CYP2C19: variants seen among roughly 807,000 people sequenced by gnomAD.
The protein encoded by CYP2C19 is cytochrome P450 family 2 subfamily C member 19.
A neutral mutation model predicts 40.9 loss-of-function variants in CYP2C19; 59 were observed. The ratio of observed to expected loss-of-function variants is 1.44; its 90% CI spans 1.17 to 1.79. The LOEUF is 1.79. CYP2C19 is among the 40% of genes most tolerant of loss of function. The pLI, the probability that CYP2C19 is intolerant of heterozygous loss-of-function variation, is 0.00. For synonymous variants in CYP2C19, 253 were observed against 208.7 expected, an observed-to-expected ratio of 1.21 and a Z score of -1.83; for missense variants, 754 against 596.9, an observed-to-expected ratio of 1.26 and a Z score of -2.74.
At chr10:94,815,263 G>C (rs969353218) in intron 5 of CYP2C19, among the ~76,000 whole-genome samples, 9 of 152,138 alleles carry the variant, frequency 5.9e-5, no homozygotes, top group African/African-American at 2.2e-4. Context: ...GACTGTCTTT[G>C]TCTACACATG....
intron 5 of CYP2C19, among the ~76,000 whole-genome samples, chr10:94,806,309 T>C (rs1275505396): frequency 6.6e-6 from 1 of 152,192 alleles, no homozygotes; most frequent in Non-Finnish European, 1.5e-5. Context: ...TTTCTGTTGA[T>C]GGGCACTTGG....
intron 1 of CYP2C19, chr10:94,773,981 T>A (rs1848371016): frequency 6.6e-6 from 1 of 152,168 alleles, no homozygotes; most frequent in Non-Finnish European, 1.5e-5. Flanking sequence ...GTTTACAAAC[T>A]TTTAGCTAGA....
chr10:94,849,554 A>C (rs571379615), intron 7 of CYP2C19, among the ~76,000 whole-genome samples: 1 of 151,594 alleles, frequency 6.6e-6, no homozygotes, highest in Non-Finnish European at 1.5e-5. Flanking sequence ...ATATGTATAC[A>C]TGTGCCATAT....
In CYP2C19 at chr10:94,832,166, C is replaced by T. The variant is rs1242599662; in HGVS notation, c.962-10671C>T. Among the ~76,000 whole-genome samples, 3 of 152,138 alleles carry T rather than the reference C, an allele frequency of 2.0e-5. No individual in the cohort carries two copies. The East Asian group carries it at 5.8e-4, about 29-fold the overall frequency. Reference sequence around the variant, plus strand: ...ACAATCTATTGATGAGATGGTCTTTCCCCCAGTGTACGTTCTTGGTACCTG... The same window carrying T: ...ACAATCTATTGATGAGATGGTCTTTTCCCCAGTGTACGTTCTTGGTACCTG... On this transcript the variant is annotated intron_variant, in intron 6 of 8. Transcript: ENST00000371321.
rs564279939 is a variant in CYP2C19, at chr10:94,853,610, A to G, written c.*696A>G. Among the ~76,000 whole-genome samples the G allele has an allele frequency of 6.5e-4, 98 of 150,594 alleles. No individual in the cohort carries two copies. The highest frequency in any genetic ancestry group is 6.8e-3 in the Middle Eastern group (2 of 292). ...TCCCAGGCTGGAGTGCAGTGGTGCAATCTCGGCTCACTGTAACCTTCGCCT... is the reference window on the plus strand; with the variant it reads ...TCCCAGGCTGGAGTGCAGTGGTGCAGTCTCGGCTCACTGTAACCTTCGCCT... On this transcript the variant is annotated 3_prime_UTR_variant, in exon 9 of 9. Coordinates refer to ENST00000371321, the MANE Select transcript of CYP2C19 (RefSeq NM_000769.4).
chr10:94,813,538 G>A, intron 5 of CYP2C19, among the ~76,000 whole-genome samples: 1 of 152,038 alleles, frequency 6.6e-6, no homozygotes, highest in Middle Eastern at 3.4e-3. Flanking sequence ...AGCTGAAGTG[G>A]ACTCCACCTA....
In CYP2C19 at chr10:94,854,165, C is replaced by T. The variant is rs768304794; in HGVS notation, c.*1251C>T. ...CCCCAAGTAGCTGGGATTACAGGTG[C>T]CTACCACCACACCAGGCTAATTTTT... On this transcript the variant is annotated 3_prime_UTR_variant, in exon 9 of 9. Transcript: ENST00000371321. Among the ~76,000 whole-genome samples the T allele has an allele frequency of 5.3e-5, 8 of 151,792 alleles. No homozygotes were observed. Among genetic ancestry groups the T allele is most frequent in the Non-Finnish European group, 1.0e-4 (7 of 67,962 alleles).
chr10:94,854,709 T>G lies in CYP2C19; in HGVS notation c.*1795T>G. On this transcript the variant is annotated 3_prime_UTR_variant, in exon 9 of 9. Transcript: ENST00000371321. The stretch of plus-strand genomic sequence containing the variant: ...TGTATAACTTATGCACACATACATA[T>G]AGGGTTAAATGTTTATTTACAATAT... Among the ~76,000 whole-genome samples, 1 of 152,198 alleles carries G rather than the reference T, an allele frequency of 6.6e-6. No homozygotes were observed. Among genetic ancestry groups the G allele is most frequent in the Middle Eastern group, 3.4e-3 (1 of 294 alleles).
In CYP2C19 at chr10:94,814,195, C is replaced by A. The variant is rs1314196454; in HGVS notation, c.820-6301C>A. 2.6e-5 allele frequency among the ~76,000 whole-genome samples: 4 copies of A among 151,696 alleles called. No individual in the cohort carries two copies. The South Asian group carries it at 8.3e-4, about 32-fold the overall frequency. On this transcript the variant is annotated intron_variant, in intron 5 of 8. Coordinates refer to ENST00000371321, the MANE Select transcript of CYP2C19 (RefSeq NM_000769.4). ...AATCACCTACCTTCTTCATTGATCT[C>A]GCTGGGAGCTGCTGACTGGAGCTTT...
intron 6 of CYP2C19, among the ~76,000 whole-genome samples, chr10:94,826,830 C>G (rs1172618965): frequency 1.3e-5 from 2 of 151,962 alleles, no homozygotes; most frequent in Non-Finnish European, 2.9e-5. Flanking sequence ...TGAAATACAT[C>G]CCATCAATAC....
intron 6 of CYP2C19, among the ~76,000 whole-genome samples, chr10:94,830,151 G>A (rs1461516313): frequency 2.0e-5 from 3 of 152,220 alleles, no homozygotes; most frequent in Non-Finnish European, 2.9e-5. Context: ...TACAGAGGCA[G>A]GCAGGCCTCC....
chr10:94,768,319 A>G (rs777271502), intron 1 of CYP2C19, among the ~76,000 whole-genome samples: 2 of 152,128 alleles, frequency 1.3e-5, no homozygotes, highest in Non-Finnish European at 2.9e-5. Context: ...CCTGCCCTTC[A>G]TATCCCATTC....
At position 94,843,021 on chromosome 10, in the gene CYP2C19, C is replaced by T. The variant is rs1237633753; in HGVS notation, c.1146C>T (p.Pro382=). 1.2e-6 allele frequency: 2 copies of T among 1,614,116 alleles called. No homozygotes were observed. The highest frequency in any genetic ancestry group is 1.7e-6 in the Non-Finnish European group (2 of 1,179,994). The change falls in exon 7 of 9, where the codon CCC becomes CCT. Residue 382 remains proline (P), a synonymous_variant. Transcript: ENST00000371321. ...CDVKFRNYLI[P]KGTTILTSLT... ...TTAAATTCAGAAACTACCTCATTCC[C>T]AAGGTAAGTTTGTTTCTCCTACACT...
chr10:94,776,771 A>C (rs924713137), intron 3 of CYP2C19, among the ~76,000 whole-genome samples: 2 of 152,150 alleles, frequency 1.3e-5, no homozygotes, highest in South Asian at 4.1e-4. Context: ...CACCACTCCT[A>C]TTCAACATAG....
intron 5 of CYP2C19, among the ~76,000 whole-genome samples, chr10:94,791,174 T>TATA (rs1848600696): frequency 6.6e-6 from 1 of 152,178 alleles, no homozygotes; most frequent in African/African-American, 2.4e-5. Context: ...TATAGTAATC[T>TATA]CTGATGGTAG....
intron 7 of CYP2C19, among the ~76,000 whole-genome samples, chr10:94,847,610 G>A (rs145068433): frequency 0.032 from 4,820 of 152,222 alleles, 124 homozygotes; most frequent in Middle Eastern, 0.13. Context: ...GGATGGCTGG[G>A]TCAAGCGGTA....
intron 3 of CYP2C19, among the ~76,000 whole-genome samples, chr10:94,779,464 G>A (rs1252831819): frequency 2.6e-5 from 4 of 151,780 alleles, no homozygotes; most frequent in Non-Finnish European, 5.9e-5. Flanking sequence ...TAGAGATGAT[G>A]GGCATTTAAT....
chr10:94,803,278 G>A (rs1848790529), intron 5 of CYP2C19, among the ~76,000 whole-genome samples: 1 of 151,964 alleles, frequency 6.6e-6, no homozygotes, highest in Non-Finnish European at 1.5e-5. Flanking sequence ...TTCCAATGGG[G>A]GTGTAACTAT....
chr10:94,796,726 G>A (rs1488517813), intron 5 of CYP2C19, among the ~76,000 whole-genome samples: 1 of 152,120 alleles, frequency 6.6e-6, no homozygotes, highest in Non-Finnish European at 1.5e-5. Flanking sequence ...TCCTAAGTTG[G>A]ATTCTTAGGT....
Sources: allele counts gnomAD v4.1 joint callset (sites outside exome capture counted in the v4.1 genomes callset), GRCh38; gene constraint gnomAD v4.1.1; transcripts MANE v1.5; gene names NCBI Gene and HGNC (gene_info 2026-07-23, HGNC 2026-07-21).